Variants in NINL observed in about 807,000 individuals in gnomAD.
NINL encodes the protein ninein-like protein.
NINL carries 153 observed loss-of-function variants against 160.3 expected under a neutral mutation model. The observed-to-expected ratio is 0.95, with a 90% CI of 0.84 to 1.09. The LOEUF is 1.09. Among genes scored for constraint, NINL ranks in the 50% least tolerant of loss-of-function variants. The pLI, the probability that NINL is intolerant of heterozygous loss-of-function variation, is 0.00. For synonymous variants in NINL, 800 were observed against 734.8 expected (o/e 1.09, Z -1.43); for missense variants, 1,829 against 1,764.0 (o/e 1.04, Z -0.66).
chr20:25,540,187 A>C, intron 1 of NINL: 2 of 320,488 alleles, frequency 6.2e-6, no homozygotes, highest in Non-Finnish European at 1.1e-5. Flanking sequence ...TCCAGATAAA[A>C]AGCAACAGTT....
intron 1 of NINL, among the ~76,000 whole-genome samples, chr20:25,566,059 G>A (rs563643707): frequency 1.3e-5 from 2 of 152,254 alleles, no homozygotes; most frequent in African/African-American, 4.8e-5. Context: ...CAGCCAGCCG[G>A]GCACTGGACT....
intron 9 of NINL, 82 bp downstream of exon 9, chr20:25,498,128 T>G: frequency 6.6e-7 from 1 of 1,517,880 alleles, no homozygotes; most frequent in Non-Finnish European, 9.0e-7. Flanking sequence ...AGCTGACTGG[T>G]GTCCTTTGTG....
intron 1 of NINL, among the ~76,000 whole-genome samples, chr20:25,555,372 C>T (rs2064853910): frequency 6.6e-6 from 1 of 152,146 alleles, no homozygotes; most frequent in Non-Finnish European, 1.5e-5. Context: ...AAATTGCTCT[C>T]CATAGAGGCT....
intron 1 of NINL, among the ~76,000 whole-genome samples, chr20:25,578,661 C>T (rs1222215903): frequency 2.0e-5 from 3 of 151,430 alleles, no homozygotes; most frequent in South Asian, 4.2e-4. Flanking sequence ...GGCATGGTGG[C>T]GGGCGCATGT....
chr20:25,510,089 T>C (rs2064039574), intron 5 of NINL, among the ~76,000 whole-genome samples: 1 of 152,226 alleles, frequency 6.6e-6, no homozygotes, highest in African/African-American at 2.4e-5. Context: ...ATGGTCAGCC[T>C]CCCCTTGCAC....
intron 13 of NINL, among the ~76,000 whole-genome samples, chr20:25,486,410 T>C (rs2063505095): frequency 6.6e-6 from 1 of 152,182 alleles, no homozygotes; most frequent in Non-Finnish European, 1.5e-5. Context: ...GGTTTTAAAT[T>C]TGAAAAATCC....
At chr20:25,583,520 T>C (rs748627038) in intron 1 of NINL, among the ~76,000 whole-genome samples, 2 of 152,150 alleles carry the variant, frequency 1.3e-5, no homozygotes, top group Admixed American at 6.5e-5. Flanking sequence ...TTTTACACTG[T>C]TGGTGGGAGT....
rs1443459496 is a variant in NINL at position 25,462,448 on chromosome 20, G to A, written c.3517C>T (p.His1173Tyr). 2.5e-6 allele frequency: 4 copies of A among 1,614,208 alleles called. No homozygotes were observed. The South Asian group carries it at 4.4e-5, about 18-fold the overall frequency. ...GTTAACATCTGAATGGTCACACGAT[G>A]CTCCTCGTTTTGGGCCTGGTGGGTA... ...ASTHQAQNEE[H>Y]RVTIQMLTQS... The change falls in exon 20 of 24, where the codon CAT (histidine) becomes TAT (tyrosine). Residue 1173 changes from histidine to tyrosine, a missense_variant. His to Tyr is a moderately conservative substitution (Grantham distance 83). Transcript: ENST00000278886.
intron 13 of NINL, among the ~76,000 whole-genome samples, chr20:25,485,162 G>C: frequency 6.7e-6 from 1 of 148,568 alleles, no homozygotes; most frequent in East Asian, 1.9e-4. Context: ...CTGGCCCTGG[G>C]TAGATGCACT....
chr20:25,500,264 G>A (rs1238213846), intron 8 of NINL, among the ~76,000 whole-genome samples: 1 of 152,238 alleles, frequency 6.6e-6, no homozygotes, highest in Non-Finnish European at 1.5e-5. Context: ...CCTCTGGGAA[G>A]CCTGAGCCTG....
At position 25,476,077 on chromosome 20, in the gene NINL, G is replaced by T. The variant is rs2063224852; in HGVS notation, c.3214C>A (p.Leu1072Met). The change falls in exon 17 of 24, where the codon CTG becomes ATG. Residue 1072 changes from leucine to methionine, a missense_variant. By Grantham distance (15) the Leu-to-Met change is conservative. Transcript: ENST00000278886. ...TCTCTCAAATCTACATGTTTCTCCA[G>T]AGCCCGGACGACGTCTTCCAGATGT... ...LLHLEDVVRA[L>M]EKHVDLREND... 1 of 1,613,744 alleles carries T rather than the reference G, an allele frequency of 6.2e-7. No individual in the cohort carries two copies.
intron 18 of NINL, among the ~76,000 whole-genome samples, chr20:25,469,359 G>T (rs2063031151): frequency 7.7e-6 from 1 of 129,416 alleles, no homozygotes; most frequent in African/African-American, 3.1e-5. Flanking sequence ...ACTTTCACTG[G>T]TGGCCGCCCT....
chr20:25,532,336 A>G (rs2064479329), intron 1 of NINL, among the ~76,000 whole-genome samples: 2 of 152,258 alleles, frequency 1.3e-5, no homozygotes, highest in Admixed American at 6.5e-5. Context: ...CAATTCCCGT[A>G]TGACTACGAA....
rs576725170 is a variant in NINL at position 25,489,173 on chromosome 20, T to G, written c.1677+71A>C. The G allele has an allele frequency of 1.1e-5, 15 of 1,418,040 alleles. No individual in the cohort carries two copies. In the East Asian group the frequency reaches 3.4e-4, roughly 32 times the overall value. 87.8% of individuals were successfully genotyped at this position (1,418,040 alleles called of 1,614,324 possible). On this transcript the variant is annotated intron_variant, in intron 13 of 23. Coordinates refer to ENST00000278886, the MANE Select transcript of NINL (RefSeq NM_025176.6). ...CCTGGAGCAGACACTCCTGCGTTAC[T>G]GTGGACCACCTGCGTGTGGAGACCC...
intron 22 of NINL, among the ~76,000 whole-genome samples, chr20:25,456,774 T>C (rs2090693561): frequency 6.8e-6 from 1 of 147,880 alleles, no homozygotes; most frequent in African/African-American, 2.5e-5. Flanking sequence ...CTACCAAAAA[T>C]ACAAAAAATT....
chr20:25,470,725 C>A, intron 17 of NINL, among the ~76,000 whole-genome samples: 1 of 152,060 alleles, frequency 6.6e-6, no homozygotes, highest in East Asian at 1.9e-4. Context: ...CCAGGAGTGG[C>A]GGCATGCATC....
intron 2 of NINL, among the ~76,000 whole-genome samples, chr20:25,525,181 G>A (rs2064335345): frequency 6.6e-6 from 1 of 152,164 alleles, no homozygotes. Flanking sequence ...TTCCTTATGA[G>A]GGAGGCACAG....
intron 1 of NINL, among the ~76,000 whole-genome samples, chr20:25,527,169 T>G (rs74917933): frequency 1.1e-4 from 17 of 152,200 alleles, no homozygotes; most frequent in South Asian, 2.1e-4. Flanking sequence ...TTTTTTTTTT[T>G]GGGAGACAGG....
intron 17 of NINL, among the ~76,000 whole-genome samples, chr20:25,475,072 C>T (rs1040887707): frequency 2.0e-5 from 3 of 151,858 alleles, no homozygotes; most frequent in Non-Finnish European, 4.4e-5. Context: ...CATGAACCAC[C>T]GTGCCCTAGT....
Sources: gnomAD v4.1 joint callset for allele counts (sites outside exome capture counted in the v4.1 genomes callset) on GRCh38, gnomAD v4.1.1 for gene constraint, MANE v1.5 for transcripts, NCBI Gene and HGNC (gene_info 2026-07-23, HGNC 2026-07-21) for gene names.